The following SGMS1 variants were observed in gnomAD, a reference collection of about 807,000 sequenced individuals.
SGMS1 encodes phosphatidylcholine:ceramide cholinephosphotransferase 1.
Under a neutral mutation model 46.2 loss-of-function variants are expected in SGMS1, and 13 were observed. That is an observed-to-expected ratio of 0.28 (90% CI 0.18 to 0.45). The LOEUF (loss-of-function observed/expected upper bound fraction) is 0.45. Ranked by LOEUF, SGMS1 falls within the 20% of genes least tolerant of loss-of-function variation. The probability of loss-of-function intolerance (pLI) is 1.00; values close to 1 mark genes in which losing one functional copy is unlikely to be tolerated. For missense variants in SGMS1, 324 were observed against 519.9 expected, an observed-to-expected ratio of 0.62 and a Z score of 3.66; for synonymous variants, 203 against 187.8, an observed-to-expected ratio of 1.08 and a Z score of -0.66.
chr10:50,527,765 A>C (rs1837917021), intron 2 of SGMS1, among the ~76,000 whole-genome samples: 1 of 152,200 alleles, frequency 6.6e-6, no homozygotes, highest in African/African-American at 2.4e-5. Flanking sequence ...TCATCCAAAA[A>C]ACACTTGTGT....
intron 5 of SGMS1, among the ~76,000 whole-genome samples, chr10:50,447,050 C>T (rs960753320): frequency 6.6e-6 from 1 of 152,160 alleles, no homozygotes; most frequent in African/African-American, 2.4e-5. Context: ...TTGTCTGCTT[C>T]CTATCTAAAT....
chr10:50,446,709 T>C (rs1455361841), intron 5 of SGMS1, among the ~76,000 whole-genome samples: 2 of 152,162 alleles, frequency 1.3e-5, no homozygotes, highest in Non-Finnish European at 2.9e-5. Context: ...AATCTACTGA[T>C]AGAATCACAC....
chr10:50,576,179 A>G (rs181842765), intron 2 of SGMS1, among the ~76,000 whole-genome samples: 3 of 152,262 alleles, frequency 2.0e-5, no homozygotes, highest in Admixed American at 1.3e-4. Context: ...CCCACTGAGA[A>G]GACAGGTAAT....
At chr10:50,312,775 A>G (rs1194690893) in intron 8 of SGMS1, among the ~76,000 whole-genome samples, 2 of 152,234 alleles carry the variant, frequency 1.3e-5, no homozygotes, top group Admixed American at 6.5e-5. Context: ...CAGAGGGTAC[A>G]GTCTCCAAAA....
At chr10:50,376,136 T>A (rs957640658) in intron 6 of SGMS1, among the ~76,000 whole-genome samples, 2 of 152,156 alleles carry the variant, frequency 1.3e-5, no homozygotes, top group Non-Finnish European at 2.9e-5. Flanking sequence ...GAAAGCACTT[T>A]CACATGGCAG....
chr10:50,547,691 A>G (rs1295550850), intron 2 of SGMS1, among the ~76,000 whole-genome samples: 1 of 152,208 alleles, frequency 6.6e-6, no homozygotes, highest in Non-Finnish European at 1.5e-5. Flanking sequence ...AACTCATTCT[A>G]TGAGGTCAAC....
At chr10:50,539,682 G>C (rs987017126) in intron 2 of SGMS1, among the ~76,000 whole-genome samples, 1 of 152,070 alleles carries the variant, frequency 6.6e-6, no homozygotes, top group Non-Finnish European at 1.5e-5. Flanking sequence ...GTGATCCATG[G>C]GTATGCTTTG....
chr10:50,432,743 A>T (rs546272842), intron 6 of SGMS1, among the ~76,000 whole-genome samples: 23 of 152,312 alleles, frequency 1.5e-4, no homozygotes, highest in African/African-American at 5.1e-4. Flanking sequence ...CTTTCCACAA[A>T]CTTTAATTTT....
intron 2 of SGMS1, among the ~76,000 whole-genome samples, chr10:50,542,347 A>T (rs908103657): frequency 1.1e-4 from 16 of 152,230 alleles, no homozygotes; most frequent in African/African-American, 3.4e-4. Context: ...ACAGTGATTT[A>T]AAAAAAATCA....
intron 3 of SGMS1, among the ~76,000 whole-genome samples, chr10:50,489,269 A>C (rs188941905): frequency 6.6e-6 from 1 of 152,326 alleles, no homozygotes; most frequent in East Asian, 1.9e-4. Flanking sequence ...ATATATACCA[A>C]ATTCACCCAC....
At chr10:50,392,289 G>A (rs543078411) in intron 6 of SGMS1, among the ~76,000 whole-genome samples, 14 of 151,112 alleles carry the variant, frequency 9.3e-5, no homozygotes, top group Non-Finnish European at 1.5e-4. Context: ...AAAGTTTTCT[G>A]TCTATGTAAT....
intron 6 of SGMS1, among the ~76,000 whole-genome samples, chr10:50,344,824 A>C (rs1847889966): frequency 6.6e-6 from 1 of 151,960 alleles, no homozygotes. Context: ...GTGAGCCGAG[A>C]TCAGCCACTG....
At chr10:50,356,929 A>G (rs542329536) in intron 6 of SGMS1, among the ~76,000 whole-genome samples, 1 of 150,516 alleles carries the variant, frequency 6.6e-6, no homozygotes, top group African/African-American at 2.4e-5. Flanking sequence ...GGGTGGGGGG[A>G]GTGGGGAGGG....
At chr10:50,328,948 A>G (rs998371652) in intron 7 of SGMS1, among the ~76,000 whole-genome samples, 3 of 152,240 alleles carry the variant, frequency 2.0e-5, no homozygotes, top group African/African-American at 7.2e-5. Context: ...CTTTAAAAGA[A>G]AATGCCCTCC....
At chr10:50,466,763 A>G (rs965154221) in intron 4 of SGMS1, 127 bp downstream of exon 4, 1 of 152,166 alleles carries the variant, frequency 6.6e-6, no homozygotes, top group African/African-American at 2.4e-5. Flanking sequence ...TATTTCATCT[A>G]TATCCCCAAG....
chr10:50,353,674 T>G lies in SGMS1; in HGVS notation c.-231-9329A>C, dbSNP rs560743273. On this transcript the variant is annotated intron_variant, in intron 6 of 10. Coordinates refer to ENST00000361781, the MANE Select transcript of SGMS1 (RefSeq NM_147156.4). ...GTCCCTGTTTGCAGATGACATGATT[T>G]TATATCTAGAAAACCCCATCGTCTC... Among the ~76,000 whole-genome samples, 946 of 151,834 alleles carry G rather than the reference T, an allele frequency of 6.2e-3. 1 individual carries two copies. Among genetic ancestry groups the G allele is most frequent in the Middle Eastern group, 0.024 (7 of 292 alleles).
intron 3 of SGMS1, among the ~76,000 whole-genome samples, chr10:50,488,058 G>C (rs12250088): frequency 6.6e-6 from 1 of 150,878 alleles, no homozygotes; most frequent in Non-Finnish European, 1.5e-5. Context: ...CTATTGCCCA[G>C]GCTGGAAAAC....
intron 2 of SGMS1, among the ~76,000 whole-genome samples, chr10:50,531,534 G>C (rs1011839337): frequency 6.6e-6 from 1 of 152,138 alleles, no homozygotes; most frequent in African/African-American, 2.4e-5. Flanking sequence ...TGAACCAGAG[G>C]TAAGAGCTAG....
chr10:50,605,914 T>A (rs1431914929), intron 1 of SGMS1, among the ~76,000 whole-genome samples: 3 of 152,160 alleles, frequency 2.0e-5, no homozygotes, highest in African/African-American at 7.2e-5. Context: ...CCTTCACCCT[T>A]CTGAGTCTCC....
Sources: gnomAD v4.1 joint callset for allele counts (sites outside exome capture counted in the v4.1 genomes callset) on GRCh38, gnomAD v4.1.1 for gene constraint, MANE v1.5 for transcripts, NCBI Gene and HGNC (gene_info 2026-07-23, HGNC 2026-07-21) for gene names.